THAP1: variants seen among roughly 807,000 people sequenced by gnomAD.
The protein encoded by THAP1 is THAP domain-containing protein 1.
A neutral mutation model predicts 18.2 loss-of-function variants in THAP1; 6 were observed. That is an observed-to-expected ratio of 0.33 (90% CI 0.18 to 0.65). The LOEUF is 0.65. Among genes scored for constraint, THAP1 ranks in the 30% least tolerant of loss-of-function variants. THAP1 has a pLI of 0.74. For synonymous variants in THAP1, 85 were observed against 90.5 expected, an observed-to-expected ratio of 0.94 and a Z score of 0.34; for missense variants, 176 against 253.0, an observed-to-expected ratio of 0.70 and a Z score of 2.06.
rs527466112 is a variant in THAP1 at position 42,842,191 on chromosome 8, G to C, written c.71+833C>G. 2.2e-3 allele frequency among the ~76,000 whole-genome samples: 337 copies of C among 152,284 alleles called. 2 individuals are homozygous for C. The highest frequency in any genetic ancestry group is 7.9e-3 in the African/African-American group (329 of 41,564). ...TAATTAAAATTTGTAAACAAATTCA[G>C]CTGAATGAAAATGTTATGTCACATT... is the stretch of plus-strand genomic sequence containing the variant. On this transcript the variant is annotated intron_variant, in intron 1 of 2. Coordinates refer to ENST00000254250, the MANE Select transcript of THAP1 (RefSeq NM_018105.3).
intron 2 of THAP1, among the ~76,000 whole-genome samples, chr8:42,838,830 G>A (rs1278135171): frequency 6.6e-6 from 1 of 152,018 alleles, no homozygotes; most frequent in South Asian, 2.1e-4. Flanking sequence ...GTAGAGGGAC[G>A]GTGCAGGAAA....
intron 1 of THAP1, 90 bp downstream of exon 1, chr8:42,842,934 G>T: frequency 1.1e-6 from 1 of 898,640 alleles, no homozygotes; most frequent in Non-Finnish European, 1.4e-6. Flanking sequence ...CCCCTCGCGC[G>T]GACACGCGCC....
At position 42,838,303 on chromosome 8, in the gene THAP1, G is replaced by A. The variant is rs1434086238; in HGVS notation, c.301C>T (p.Pro101Ser). The change falls in exon 3 of 3, where the codon CCC (proline) becomes TCC (serine). Residue 101 changes from proline to serine, a missense_variant. Coordinates refer to ENST00000254250, the MANE Select transcript of THAP1 (RefSeq NM_018105.3). The part of the protein sequence containing the change: ...EDLLEPQEQL[P>S]PPPLPPPVSQ... ...ACAGGAGGCGGTAAAGGAGGTGGGG[G>A]AAGCTGTTCCTGTGGCTCCAGAAGA... is the stretch of plus-strand genomic sequence containing the variant. 1 of 1,614,032 alleles carries A rather than the reference G, an allele frequency of 6.2e-7. No homozygotes were observed. Among genetic ancestry groups the A allele is most frequent in the Non-Finnish European group, 8.5e-7 (1 of 1,179,938 alleles).
At chr8:42,842,465 A>G (rs1802737670) in intron 1 of THAP1, 1 of 152,290 alleles carries the variant, frequency 6.6e-6, no homozygotes, top group African/African-American at 2.4e-5. Flanking sequence ...TGCTGAAAAG[A>G]TAACGATTTA....
chr8:42,839,156 A>T, intron 2 of THAP1, 30 bp downstream of exon 2: 1 of 1,612,536 alleles, frequency 6.2e-7, no homozygotes, highest in Non-Finnish European at 8.5e-7. Flanking sequence ...ATAAACAAAA[A>T]GCAACCCAAT....
In THAP1 at chr8:42,837,826, A is replaced by T. The variant is rs999217631; in HGVS notation, c.*136T>A. 8 of 951,936 alleles carry T rather than the reference A, an allele frequency of 8.4e-6. No individual in the cohort carries two copies. Among genetic ancestry groups the T allele is most frequent in the Non-Finnish European group, 1.0e-5 (7 of 689,914 alleles). 59.0% of individuals were successfully genotyped at this position (951,936 alleles called of 1,614,324 possible). On this transcript the variant is annotated 3_prime_UTR_variant, in exon 3 of 3. Coordinates refer to ENST00000254250, the MANE Select transcript of THAP1 (RefSeq NM_018105.3). ...ATTTATAATTTTACAGTATATATAG[A>T]ATTTTTTTTAAAAAAATATTCTGAA...
rs1475446116 is a variant in THAP1, at chr8:42,843,308, G to A, written c.-214C>T. The A allele has an allele frequency of 4.8e-6, 3 of 622,674 alleles. No homozygotes were observed. Among genetic ancestry groups the A allele is most frequent in the South Asian group, 1.7e-5 (1 of 58,050 alleles). The allele number at this position is 622,674 out of a possible 1,614,324, so 38.6% of individuals were successfully genotyped here. A position where few individuals can be genotyped will look rare whatever the true frequency, so the allele number is the denominator to read the frequency against. ...GCCATCGCCCGTCTCCCATCTCCAA[G>A]ATGGCGGAGGCAGCTTCAACCTCAC... is the stretch of plus-strand genomic sequence containing the variant. On this transcript the variant is annotated 5_prime_UTR_variant, in exon 1 of 3. Transcript: ENST00000254250.
intron 1 of THAP1, among the ~76,000 whole-genome samples, chr8:42,841,488 C>T (rs1473573953): frequency 6.6e-6 from 1 of 151,948 alleles, no homozygotes; most frequent in African/African-American, 2.4e-5. Flanking sequence ...GGGATTTTGC[C>T]ATGTTGGCCA....
At chr8:42,842,974 C>T (rs758497993) in intron 1 of THAP1, 50 bp downstream of exon 1, 31 of 1,442,314 alleles carry the variant, frequency 2.1e-5, no homozygotes, top group African/African-American at 4.4e-5. Flanking sequence ...GCCGGCCGCG[C>T]GCCCCCACCC....
chr8:42,841,406 T>C (rs1029288815), intron 1 of THAP1, among the ~76,000 whole-genome samples: 1 of 149,872 alleles, frequency 6.7e-6, no homozygotes, highest in African/African-American at 2.5e-5. Context: ...GTTCAAGTGA[T>C]TCCCCTACCT....
At position 42,838,094 on chromosome 8, in the gene THAP1, G is replaced by A; in HGVS notation, c.510C>T (p.Cys170=). The part of the protein sequence containing the change: ...RKKLKTAQQR[C]RRQERQLEKL... Reference sequence around the variant, plus strand: ...TTTCAAGCTGCCGTTCTTGCCTTCTGCATCGCTGCTGTGCGGTCTTGAGCT... The same window carrying A: ...TTTCAAGCTGCCGTTCTTGCCTTCTACATCGCTGCTGTGCGGTCTTGAGCT... Residue 170 remains cysteine, a synonymous_variant, in exon 3 of 3, where the codon TGC becomes TGT. Coordinates refer to ENST00000254250, the MANE Select transcript of THAP1 (RefSeq NM_018105.3). 1 of 1,614,170 alleles carries A rather than the reference G, an allele frequency of 6.2e-7. No individual in the cohort carries two copies. The highest frequency in any genetic ancestry group is 8.5e-7 in the Non-Finnish European group (1 of 1,180,042).
At chr8:42,839,502 T>C in intron 1 of THAP1, 121 bp from the exon 2 acceptor site, 1 of 1,035,378 alleles carries the variant, frequency 9.7e-7, no homozygotes, top group Non-Finnish European at 1.4e-6. Flanking sequence ...TGTATTATCC[T>C]ATTGGATTAA....
rs1043608444 is a variant in THAP1, at chr8:42,837,835, TA to T, written c.*126del. ...TTTACAGTATATATAGAATTTTTTT[TA>T]AAAAAATATTCTGAACTGTTTTTAT... On this transcript the variant is annotated 3_prime_UTR_variant, in exon 3 of 3. Coordinates refer to ENST00000254250, the MANE Select transcript of THAP1 (RefSeq NM_018105.3). 5.6e-5 allele frequency: 59 copies of T among 1,058,162 alleles called. No homozygotes were observed. In the African/African-American group the frequency reaches 7.0e-4, roughly 13 times the overall value. The allele number at this position is 1,058,162 out of a possible 1,614,324, so 65.5% of individuals were successfully genotyped here.
In THAP1 at chr8:42,837,665, T is replaced by C. The variant is rs73634656; in HGVS notation, c.*297A>G. On this transcript the variant is annotated 3_prime_UTR_variant, in exon 3 of 3. Transcript: ENST00000254250. ...ATTCTCTTTACTTTTTATTTTTACA[T>C]TATTTCTATAAATACTAAAAAAAAA... 2,227 of 191,242 alleles carry C rather than the reference T, an allele frequency of 0.012. 53 individuals are homozygous for C. The highest frequency in any genetic ancestry group is 0.05 in the African/African-American group (2,144 of 42,762). 11.8% of individuals were successfully genotyped at this position (191,242 alleles called of 1,614,324 possible). A position where few individuals can be genotyped will look rare whatever the true frequency, so the allele number is the denominator to read the frequency against.
intron 2 of THAP1, among the ~76,000 whole-genome samples, chr8:42,838,945 T>C (rs1289091536): frequency 1.3e-5 from 2 of 152,156 alleles, no homozygotes; most frequent in Non-Finnish European, 2.9e-5. Flanking sequence ...AACTTATCAA[T>C]ATATAACTGG....
rs1050147084 is a variant in THAP1 at position 42,836,764 on chromosome 8, T to C, written c.*1198A>G. 3 of 152,670 alleles carry C rather than the reference T, an allele frequency of 2.0e-5. No homozygotes were observed. The highest frequency in any genetic ancestry group is 7.2e-5 in the African/African-American group (3 of 41,464). 9.5% of individuals were successfully genotyped at this position (152,670 alleles called of 1,614,324 possible). A position where few individuals can be genotyped will look rare whatever the true frequency, so the allele number is the denominator to read the frequency against. ...CTTTGAAATATAAAAGTAATAATTA[T>C]CATTGGAACAGTTATTCTAAATCTA... On this transcript the variant is annotated 3_prime_UTR_variant, in exon 3 of 3. Coordinates refer to ENST00000254250, the MANE Select transcript of THAP1 (RefSeq NM_018105.3).
Position 42,837,105 on chromosome 8 carries a change from C to CA in THAP1, c.*856dup, listed in dbSNP as rs1403064380. On this transcript the variant is annotated 3_prime_UTR_variant, in exon 3 of 3. Transcript: ENST00000254250. ...AACTCTACTAACACAGCACATTTGT[C>CA]AGAGACTTGAAGGCAGATACATAAC... The CA allele has an allele frequency of 5.0e-4, 76 of 152,276 alleles. No individual in the cohort carries two copies. The highest frequency in any genetic ancestry group is 1.8e-3 in the African/African-American group (73 of 41,528). 9.4% of individuals were successfully genotyped at this position (152,276 alleles called of 1,614,324 possible).
At chr8:42,839,517 T>G in intron 1 of THAP1, 136 bp from the exon 2 acceptor site, 1 of 898,562 alleles carries the variant, frequency 1.1e-6, no homozygotes, top group Non-Finnish European at 1.7e-6. Context: ...GATTAAAGAT[T>G]AGCTCTAGTT....
rs1802673738 is a variant in THAP1 at position 42,839,328 on chromosome 8, CT to C, written c.124del (p.Arg42GlufsTer31). 6.2e-7 allele frequency: 1 copy of C among 1,613,896 alleles called. No homozygotes were observed. Among genetic ancestry groups the C allele is most frequent in the African/African-American group, 1.3e-5 (1 of 74,926 alleles). On this transcript the variant is annotated frameshift_variant, in exon 2 of 3. Coordinates refer to ENST00000254250, the MANE Select transcript of THAP1 (RefSeq NM_018105.3). LOFTEE classifies it high-confidence loss of function. ...ATACTTGGTGGGTTTAAAGTTTTTT[CT>C]TCTGACAGCTGCCTCCCATTCTTTA... ...LCKEWEAAVR[R>X]KNFKPTKYSS... is the part of the protein sequence containing the mutation.
Sources: allele counts gnomAD v4.1 joint callset (sites outside exome capture counted in the v4.1 genomes callset), GRCh38; gene constraint gnomAD v4.1.1; transcripts MANE v1.5; gene names NCBI Gene and HGNC (gene_info 2026-07-23, HGNC 2026-07-21).